Variants in LPAR1 observed in about 807,000 individuals in gnomAD.
The protein encoded by LPAR1 is lysophosphatidic acid receptor 1.
In LPAR1, 5 loss-of-function variants were observed where a neutral mutation model predicts 23.8. The observed-to-expected ratio is 0.21, with a 90% confidence interval of 0.11 to 0.44. LPAR1 has a LOEUF of 0.44. Ranked by LOEUF, LPAR1 falls within the 20% of genes least tolerant of loss-of-function variation. LPAR1 has a pLI of 0.99. For synonymous variants in LPAR1, 160 were observed against 164.7 expected, an observed-to-expected ratio of 0.97 and a Z score of 0.22; for missense variants, 311 against 482.8, an observed-to-expected ratio of 0.64 and a Z score of 3.33.
intron 5 of LPAR1, among the ~76,000 whole-genome samples, chr9:110,917,197 A>AG (rs1172773924): frequency 1.5e-4 from 22 of 151,478 alleles, no homozygotes; most frequent in Non-Finnish European, 1.5e-5. Context: ...AAAAAAAAAA[A>AG]AATTAGCCAG....
At chr9:110,919,801 A>G (rs1328115125) in intron 5 of LPAR1, among the ~76,000 whole-genome samples, 1 of 152,120 alleles carries the variant, frequency 6.6e-6, no homozygotes, top group Admixed American at 6.5e-5. Context: ...CCTCCAATAA[A>G]CCAGGAAATG....
At chr9:110,975,396 A>G (rs527554879) in intron 2 of LPAR1, among the ~76,000 whole-genome samples, 11 of 152,298 alleles carry the variant, frequency 7.2e-5, no homozygotes, top group Admixed American at 4.6e-4. Flanking sequence ...CATTTCCCCA[A>G]CAGTTTGAGG....
At chr9:110,896,202 G>T (rs1302417682) in intron 5 of LPAR1, among the ~76,000 whole-genome samples, 1 of 152,138 alleles carries the variant, frequency 6.6e-6, no homozygotes, top group African/African-American at 2.4e-5. Context: ...ACAGATTTTT[G>T]ACTATGCTGC....
Position 110,874,402 on chromosome 9 carries a change from A to C in LPAR1, c.*1019T>G, listed in dbSNP as rs2078686296. 1.3e-5 allele frequency: 2 copies of C among 152,624 alleles called. No homozygotes were observed. The highest frequency in any genetic ancestry group is 1.3e-4 in the Admixed American group (2 of 15,274). The allele number at this position is 152,624 out of a possible 1,614,324, so 9.5% of individuals were successfully genotyped here. A position where few individuals can be genotyped will look rare whatever the true frequency, so the allele number is the denominator to read the frequency against. ...TTTACAGTATGACTCCAATTATGTA[A>C]AAAAAGTATACAATACACATATAGG... On this transcript the variant is annotated 3_prime_UTR_variant, in exon 6 of 6. Transcript: ENST00000683809.
intron 5 of LPAR1, among the ~76,000 whole-genome samples, chr9:110,894,561 C>T (rs1456611760): frequency 6.6e-6 from 1 of 152,162 alleles, no homozygotes; most frequent in Non-Finnish European, 1.5e-5. Context: ...GTTCTCCTAA[C>T]CTAGAGATAG....
At chr9:110,890,953 G>T (rs921201944) in intron 5 of LPAR1, among the ~76,000 whole-genome samples, 19 of 152,064 alleles carry the variant, frequency 1.2e-4, no homozygotes, top group Admixed American at 1.3e-4. Context: ...GAAAACTACA[G>T]AAAACTTATT....
rs200530744 is a variant in LPAR1, at chr9:110,943,020, T to TATG, written c.46-853_46-852insCAT. On this transcript the variant is annotated intron_variant, in intron 4 of 5. Coordinates refer to ENST00000683809, the MANE Select transcript of LPAR1 (RefSeq NM_001351411.2). ...TATATTTGCTTATTATTTACAATAT[T>TATG]TATAATAATCACTTTAAAAAGGATT... is the stretch of plus-strand genomic sequence containing the variant. 6.6e-3 allele frequency among the ~76,000 whole-genome samples: 985 copies of TATG among 149,856 alleles called. 11 individuals carry two copies. Among genetic ancestry groups the TATG allele is most frequent in the African/African-American group, 0.023 (938 of 41,114 alleles).
intron 4 of LPAR1, among the ~76,000 whole-genome samples, chr9:110,955,476 G>A (rs2095706762): frequency 6.6e-6 from 1 of 151,968 alleles, no homozygotes; most frequent in Non-Finnish European, 1.5e-5. Flanking sequence ...TACAATAATG[G>A]TTGGTGACCT....
intron 4 of LPAR1, among the ~76,000 whole-genome samples, chr9:110,954,326 A>AC (rs1326229419): frequency 2.0e-5 from 3 of 152,240 alleles, no homozygotes; most frequent in Admixed American, 2.0e-4. Context: ...TATTGGACAC[A>AC]ATATACTGAT....
chr9:110,927,366 A>T (rs1460886334), intron 5 of LPAR1, among the ~76,000 whole-genome samples: 1 of 152,152 alleles, frequency 6.6e-6, no homozygotes, highest in Admixed American at 6.5e-5. Flanking sequence ...TCACCAAAAT[A>T]TATTTTCTGT....
rs13094 is a variant in LPAR1, at chr9:110,874,073, T to G, written c.*1348A>C. On this transcript the variant is annotated 3_prime_UTR_variant, in exon 6 of 6. Transcript: ENST00000683809. Reference sequence around the variant, plus strand: ...CAGTACAAAAGCAGGAAATCCCTTTTCATGAAAGGTGTAAGTACAAGATGA... The same window carrying G: ...CAGTACAAAAGCAGGAAATCCCTTTGCATGAAAGGTGTAAGTACAAGATGA... 0.41 allele frequency: 62,266 copies of G among 152,474 alleles called. 12,948 individuals are homozygous for G. Among genetic ancestry groups the G allele is most frequent in the East Asian group, 0.51 (2,649 of 5,174 alleles). The allele number at this position is 152,474 out of a possible 1,614,324, so 9.4% of individuals were successfully genotyped here.
intron 4 of LPAR1, among the ~76,000 whole-genome samples, chr9:110,970,344 A>C (rs2096375812): frequency 6.6e-6 from 1 of 152,158 alleles, no homozygotes; most frequent in Non-Finnish European, 1.5e-5. Flanking sequence ...CAGGCACTAA[A>C]TCTCTTTGCC....
At chr9:110,881,354 G>A (rs2080777178) in intron 5 of LPAR1, among the ~76,000 whole-genome samples, 1 of 152,128 alleles carries the variant, frequency 6.6e-6, no homozygotes, top group Non-Finnish European at 1.5e-5. Context: ...ACCATACAGA[G>A]CTCTAAAGCA....
chr9:110,951,685 A>G (rs2095573195), intron 4 of LPAR1, among the ~76,000 whole-genome samples: 1 of 152,186 alleles, frequency 6.6e-6, no homozygotes, highest in African/African-American at 2.4e-5. Context: ...AAAATTTAGT[A>G]CAATAGCTTT....
At chr9:111,030,411 C>T (rs2097775173) in intron 2 of LPAR1, among the ~76,000 whole-genome samples, 1 of 152,214 alleles carries the variant, frequency 6.6e-6, no homozygotes, top group Admixed American at 6.5e-5. Flanking sequence ...AGTAAGAACA[C>T]ACCATCCTTA....
chr9:110,918,925 T>C (rs1246062751), intron 5 of LPAR1, among the ~76,000 whole-genome samples: 3 of 152,114 alleles, frequency 2.0e-5, no homozygotes, highest in Admixed American at 6.5e-5. Context: ...GGTACATCTA[T>C]GGTGGACACA....
intron 5 of LPAR1, among the ~76,000 whole-genome samples, chr9:110,906,654 CAAT>C (rs1391406156): frequency 2.6e-5 from 4 of 152,078 alleles, no homozygotes; most frequent in Admixed American, 6.5e-5. Flanking sequence ...TGCTTCACAA[CAAT>C]AATACTATTA....
At chr9:111,000,581 C>G (rs933515586) in intron 2 of LPAR1, among the ~76,000 whole-genome samples, 1 of 152,186 alleles carries the variant, frequency 6.6e-6, no homozygotes, top group Non-Finnish European at 1.5e-5. Context: ...CCCCCAGCCA[C>G]GTGCCTCAGT....
chr9:110,902,499 T>C (rs547383207), intron 5 of LPAR1, among the ~76,000 whole-genome samples: 219 of 152,220 alleles, frequency 1.4e-3, no homozygotes, highest in African/African-American at 5.2e-3. Context: ...TGCTTCCCCT[T>C]CCACTATGAT....
Sources: allele counts gnomAD v4.1 joint callset (sites outside exome capture counted in the v4.1 genomes callset), GRCh38; gene constraint gnomAD v4.1.1; transcripts MANE v1.5; gene names NCBI Gene and HGNC (gene_info 2026-07-23, HGNC 2026-07-21).